MECOM: variants seen among roughly 807,000 people sequenced by gnomAD.
The protein encoded by MECOM is MDS1 and EVI1 complex locus, also known as histone-lysine N-methyltransferase MECOM.
In MECOM, 13 loss-of-function variants were observed where a neutral mutation model predicts 116.3. That is an observed-to-expected ratio of 0.11 (90% confidence interval 0.07 to 0.18). MECOM has a LOEUF of 0.18. MECOM is among the 10% of genes least tolerant of loss of function. MECOM has a pLI of 1.00. For synonymous variants in MECOM, 528 were observed against 535.2 expected (o/e 0.99, Z 0.19); for missense variants, 1,299 against 1,509.0 (o/e 0.86, Z 2.31).
At chr3:169,098,271 T>A (rs1002743673) in intron 12 of MECOM, among the ~76,000 whole-genome samples, 1 of 152,230 alleles carries the variant, frequency 6.6e-6, no homozygotes, top group African/African-American at 2.4e-5. Flanking sequence ...TGATCCCACA[T>A]TGCATTTAGC....
chr3:169,153,312 C>CA (rs955860307), intron 2 of MECOM, among the ~76,000 whole-genome samples: 2 of 151,948 alleles, frequency 1.3e-5, no homozygotes, highest in African/African-American at 4.8e-5. Flanking sequence ...GAGACAGTCA[C>CA]AAAAAATGCA....
At chr3:169,407,190 C>T (rs1736846536) in intron 1 of MECOM, among the ~76,000 whole-genome samples, 1 of 152,150 alleles carries the variant, frequency 6.6e-6, no homozygotes, top group East Asian at 1.9e-4. Context: ...CCACCATTTA[C>T]AGTACCCAAA....
In MECOM at chr3:169,095,188, G is replaced by T. The variant is rs1421915783; in HGVS notation, c.2907C>A (p.Arg969=). 2.5e-6 allele frequency: 4 copies of T among 1,613,528 alleles called. No individual in the cohort carries two copies. In the East Asian group the frequency reaches 8.9e-5, roughly 36 times the overall value. ...ATGGCTTCTCTTTATTGTGGATGTTGCGAACATGCCTTTGCAAGTTAGAAG... is the reference window on the plus strand; with the variant it reads ...ATGGCTTCTCTTTATTGTGGATGTTTCGAACATGCCTTTGCAAGTTAGAAG... ...SISSNLQRHV[R]NIHNKEKPFK... Residue 969 remains arginine (R), a synonymous_variant, in exon 13 of 17, where the codon CGC becomes CGA. Coordinates refer to ENST00000651503, the MANE Select transcript of MECOM (RefSeq NM_004991.4).
At chr3:169,168,963 T>A (rs960711511) in intron 2 of MECOM, among the ~76,000 whole-genome samples, 2 of 151,956 alleles carry the variant, frequency 1.3e-5, no homozygotes, top group African/African-American at 4.8e-5. Flanking sequence ...AGATAAAATA[T>A]CTTCATATAA....
chr3:169,387,011 A>T (rs1418289948), intron 1 of MECOM, among the ~76,000 whole-genome samples: 1 of 152,208 alleles, frequency 6.6e-6, no homozygotes. Context: ...CTTATTAATG[A>T]TAAATAAATT....
chr3:169,499,346 CAAAAAAAAA>C (rs60302997), intron 1 of MECOM, among the ~76,000 whole-genome samples: 829 of 51,600 alleles, frequency 0.016, 18 homozygotes, highest in African/African-American at 0.064. Flanking sequence ...AGATTACCCA[CAAAAAAAAA>C]AAAAAAAAAA....
intron 2 of MECOM, among the ~76,000 whole-genome samples, chr3:169,257,656 A>T (rs1368728886): frequency 6.6e-6 from 1 of 152,256 alleles, no homozygotes; most frequent in African/African-American, 2.4e-5. Flanking sequence ...CAAGGAGGGC[A>T]AAAGTGATTG....
At chr3:169,241,308 C>T (rs969682970) in intron 2 of MECOM, among the ~76,000 whole-genome samples, 1 of 152,014 alleles carries the variant, frequency 6.6e-6, no homozygotes, top group Non-Finnish European at 1.5e-5. Context: ...ATGAAACAGA[C>T]CCCCTCCATC....
At chr3:169,651,923 A>G (rs1774965152) in intron 1 of MECOM, among the ~76,000 whole-genome samples, 1 of 152,204 alleles carries the variant, frequency 6.6e-6, no homozygotes, top group African/African-American at 2.4e-5. Context: ...AATTTATGAC[A>G]AAAAAGAAAG....
intron 1 of MECOM, among the ~76,000 whole-genome samples, chr3:169,435,044 T>G (rs1483631728): frequency 6.6e-6 from 1 of 152,172 alleles, no homozygotes; most frequent in Admixed American, 6.5e-5. Flanking sequence ...GTTCACAATT[T>G]TAAATAAACT....
rs1249264513 is a variant in MECOM at position 169,272,895 on chromosome 3, A to G, written c.375+108292T>C. 3.3e-5 allele frequency among the ~76,000 whole-genome samples: 5 copies of G among 152,190 alleles called. No homozygotes were observed. The South Asian group carries it at 6.2e-4, about 19-fold the overall frequency. ...GTGCAGGAGGTCTCGACCTCACCAC[A>G]TCTGGTGAGGGCAGAGGAGGGGAGG... is the stretch of plus-strand genomic sequence containing the variant. On this transcript the variant is annotated intron_variant, in intron 2 of 16. Coordinates refer to ENST00000651503, the MANE Select transcript of MECOM (RefSeq NM_004991.4).
At chr3:169,189,602 C>T (rs866898072) in intron 2 of MECOM, among the ~76,000 whole-genome samples, 10 of 152,034 alleles carry the variant, frequency 6.6e-5, no homozygotes, top group Admixed American at 4.6e-4. Flanking sequence ...TTGGTTAAAA[C>T]GTCTTACCTT....
intron 1 of MECOM, among the ~76,000 whole-genome samples, chr3:169,562,219 T>TTCTTTA (rs1762743981): frequency 7.0e-6 from 1 of 143,522 alleles, no homozygotes; most frequent in Non-Finnish European, 1.5e-5. Flanking sequence ...ACCTAAAACA[T>TTCTTTA]TCTTTATTGG....
intron 1 of MECOM, among the ~76,000 whole-genome samples, chr3:169,387,677 T>C (rs770671824): frequency 2.5e-4 from 38 of 152,354 alleles, no homozygotes; most frequent in South Asian, 6.2e-4. Context: ...TAATTATTTA[T>C]ACTCAACTGT....
intron 1 of MECOM, among the ~76,000 whole-genome samples, chr3:169,573,785 G>A (rs1764191100): frequency 6.6e-6 from 1 of 152,000 alleles, no homozygotes; most frequent in African/African-American, 2.4e-5. Context: ...TTTTCCTATG[G>A]AAGATTTTTA....
chr3:169,497,831 T>A (rs1332553587), intron 1 of MECOM, among the ~76,000 whole-genome samples: 3 of 152,222 alleles, frequency 2.0e-5, no homozygotes, highest in African/African-American at 7.2e-5. Context: ...AGTACAAAAA[T>A]TCCATATGTA....
chr3:169,149,608 G>A (rs761300625), intron 2 of MECOM: 4 of 438,566 alleles, frequency 9.1e-6, no homozygotes, highest in Non-Finnish European at 1.4e-5. Context: ...CCGCCGTTCC[G>A]CGTCCTTCCG....
chr3:169,333,722 C>A (rs1169578016), intron 2 of MECOM, among the ~76,000 whole-genome samples: 1 of 152,060 alleles, frequency 6.6e-6, no homozygotes, highest in Admixed American at 6.6e-5. Context: ...ATAAAACAAA[C>A]AAATATGAAA....
At chr3:169,395,448 C>T (rs1407791121) in intron 1 of MECOM, among the ~76,000 whole-genome samples, 4 of 152,084 alleles carry the variant, frequency 2.6e-5, no homozygotes, top group African/African-American at 7.2e-5. Context: ...GGTAAAAATG[C>T]CCCACTGAAG....
Sources: gnomAD v4.1 joint callset for allele counts (sites outside exome capture counted in the v4.1 genomes callset) on GRCh38, gnomAD v4.1.1 for gene constraint, MANE v1.5 for transcripts, NCBI Gene and HGNC (gene_info 2026-07-23, HGNC 2026-07-21) for gene names.